Variants in TMEM131 observed in about 807,000 individuals in gnomAD.
TMEM131 encodes 2610524E03Rik.
A neutral mutation model predicts 211.6 loss-of-function variants in TMEM131; 66 were observed. That is an observed-to-expected ratio of 0.31 (90% CI 0.26 to 0.38). The LOEUF (loss-of-function observed/expected upper bound fraction) is 0.38. Ranked by LOEUF, TMEM131 falls within the 10% of genes least tolerant of loss-of-function variation. TMEM131 has a pLI of 1.00. For synonymous variants in TMEM131, 844 were observed against 841.3 expected (o/e 1.00, Z -0.06); for missense variants, 2,036 against 2,299.3 (o/e 0.89, Z 2.34).
At chr2:97,797,587 C>T in intron 25 of TMEM131, 71 bp from the exon 26 acceptor site, 3 of 1,326,922 alleles carry the variant, frequency 2.3e-6, no homozygotes, top group Non-Finnish European at 3.1e-6. Flanking sequence ...CGCTTACACC[C>T]CATCTAGAGC....
intron 1 of TMEM131, among the ~76,000 whole-genome samples, chr2:97,942,489 ATAC>A (rs1677783836): frequency 8.5e-6 from 1 of 117,758 alleles, no homozygotes; most frequent in African/African-American, 3.7e-5. Flanking sequence ...AAAAAAAAAA[ATAC>A]AAAAAAAAAG....
rs145846529 is a variant in TMEM131 at position 97,960,386 on chromosome 2, T to C, written c.188-32899A>G. Among the ~76,000 whole-genome samples, 630 of 152,300 alleles carry C rather than the reference T, an allele frequency of 4.1e-3. 2 individuals are homozygous for C. The highest frequency in any genetic ancestry group is 0.01 in the Middle Eastern group (3 of 294). Reference sequence around the variant, plus strand: ...GTTTAAGTATCACTATGGACTCATATTTTCTTCCAATATAACTGATTACTT... The same window carrying C: ...GTTTAAGTATCACTATGGACTCATACTTTCTTCCAATATAACTGATTACTT... On this transcript the variant is annotated intron_variant, in intron 1 of 40. Transcript: ENST00000186436.
Position 97,837,084 on chromosome 2 carries a change from T to G in TMEM131, c.797A>C (p.Lys266Thr), listed in dbSNP as rs1378549819. 4.3e-6 allele frequency: 7 copies of G among 1,612,696 alleles called. No individual in the cohort carries two copies. Among genetic ancestry groups the G allele is most frequent in the Non-Finnish European group, 5.9e-6 (7 of 1,179,312 alleles). ...AACTAGGTTACAACTCACCCACAGT[T>G]TTCTGGTACCTCCTTGTTGACCCGT... ...LPTGQQGGTR[K>T]LWEIPPYETK... The change falls in exon 8 of 41, where the codon AAA (lysine) becomes ACA (threonine). Residue 266 changes from lysine (K) to threonine (T), a missense_variant. Lys to Thr is a moderately conservative substitution (Grantham distance 78). Around this residue, in one of 3 missense-constraint regions of TMEM131, gnomAD observed 277 missense variants for 378.0 expected, o/e 0.73. Transcript: ENST00000186436.
chr2:97,903,287 A>AT (rs1239812042), intron 3 of TMEM131, among the ~76,000 whole-genome samples: 3 of 152,138 alleles, frequency 2.0e-5, no homozygotes, highest in Non-Finnish European at 1.5e-5. Context: ...AGCACGTGCG[A>AT]TTTTTTTATG....
At chr2:97,976,960 C>CCAAAAAAA (rs1553623053) in intron 1 of TMEM131, among the ~76,000 whole-genome samples, 1 of 112,188 alleles carries the variant, frequency 8.9e-6, no homozygotes, top group African/African-American at 3.4e-5. Flanking sequence ...TATTTATATG[C>CCAAAAAAA]AAAAAAAAAA....
At chr2:97,900,516 C>T (rs1310906548) in intron 3 of TMEM131, among the ~76,000 whole-genome samples, 2 of 152,000 alleles carry the variant, frequency 1.3e-5, no homozygotes, top group African/African-American at 2.4e-5. Flanking sequence ...TTTTTTAAGG[C>T]TTAACAGTAT....
At chr2:97,935,262 T>A (rs893064241) in intron 1 of TMEM131, among the ~76,000 whole-genome samples, 1 of 152,084 alleles carries the variant, frequency 6.6e-6, no homozygotes, top group African/African-American at 2.4e-5. Context: ...ATGGTGAAAA[T>A]GAAATACCCA....
At chr2:97,917,468 C>G (rs1378680664) in intron 2 of TMEM131, among the ~76,000 whole-genome samples, 2 of 152,176 alleles carry the variant, frequency 1.3e-5, no homozygotes, top group Admixed American at 6.5e-5. Context: ...CACTAGTGAA[C>G]TGCAGTACAA....
At chr2:97,855,520 C>A (rs1673805777) in intron 5 of TMEM131, among the ~76,000 whole-genome samples, 1 of 152,132 alleles carries the variant, frequency 6.6e-6, no homozygotes, top group African/African-American at 2.4e-5. Flanking sequence ...GCCAACATGG[C>A]AAAACTCCAT....
intron 3 of TMEM131, among the ~76,000 whole-genome samples, chr2:97,889,552 A>T (rs890048878): frequency 1.2e-5 from 1 of 82,366 alleles, no homozygotes; most frequent in Non-Finnish European, 3.9e-5. Context: ...TTCCTATATA[A>T]TATTATATTC....
At chr2:97,803,709 TAGAC>T (rs1385479461) in intron 22 of TMEM131, among the ~76,000 whole-genome samples, 4 of 152,162 alleles carry the variant, frequency 2.6e-5, no homozygotes, top group African/African-American at 9.7e-5. Context: ...GCACTCAAGA[TAGAC>T]AGGGAGCCAA....
intron 11 of TMEM131, among the ~76,000 whole-genome samples, chr2:97,827,932 T>C (rs1228382544): frequency 6.6e-6 from 1 of 152,120 alleles, no homozygotes; most frequent in Non-Finnish European, 1.5e-5. Context: ...TTAAATTACT[T>C]CTATTACCAT....
At chr2:97,809,847 T>G in intron 18 of TMEM131, 73 bp from the exon 19 acceptor site, 1 of 1,272,264 alleles carries the variant, frequency 7.9e-7, no homozygotes, top group South Asian at 1.3e-5. Context: ...TTGCATTATA[T>G]TTTGGGGTTA....
intron 4 of TMEM131, among the ~76,000 whole-genome samples, chr2:97,860,943 C>T (rs1166964287): frequency 6.6e-6 from 1 of 152,144 alleles, no homozygotes; most frequent in Admixed American, 6.5e-5. Flanking sequence ...CCACTCCACC[C>T]GGCAGCAGCC....
At chr2:97,805,306 TGGC>T in intron 21 of TMEM131, 67 bp downstream of exon 21, 7 of 1,568,740 alleles carry the variant, frequency 4.5e-6, no homozygotes, top group Non-Finnish European at 6.1e-6. Context: ...ACTTTAAAAG[TGGC>T]GGCCTCTTAC....
At chr2:97,855,882 CAATAG>C (rs1673823154) in intron 5 of TMEM131, among the ~76,000 whole-genome samples, 1 of 152,110 alleles carries the variant, frequency 6.6e-6, no homozygotes. Context: ...TGCATGGAAT[CAATAG>C]AATAATGTCC....
At chr2:97,888,812 A>G (rs1218873801) in intron 3 of TMEM131, among the ~76,000 whole-genome samples, 1 of 152,162 alleles carries the variant, frequency 6.6e-6, no homozygotes, top group Non-Finnish European at 1.5e-5. Context: ...CACATGCCTA[A>G]AGTGTCAGAA....
At chr2:97,897,460 T>C (rs998766154) in intron 3 of TMEM131, among the ~76,000 whole-genome samples, 3 of 152,146 alleles carry the variant, frequency 2.0e-5, no homozygotes, top group African/African-American at 7.2e-5. Flanking sequence ...CTATTCTTAA[T>C]GTGCTGAACA....
intron 3 of TMEM131, 65 bp downstream of exon 3, chr2:97,908,593 G>A: frequency 8.4e-7 from 1 of 1,196,022 alleles, no homozygotes; most frequent in African/African-American, 1.5e-5. Context: ...AAAGAGGAGG[G>A]AGAACCACAG....
Sources: gnomAD v4.1 joint callset for allele counts (sites outside exome capture counted in the v4.1 genomes callset) on GRCh38, gnomAD v4.1.1 for gene constraint, gnomAD v4.1.1 regional missense constraint, MANE v1.5 for transcripts, NCBI Gene and HGNC (gene_info 2026-07-23, HGNC 2026-07-21) for gene names.